The following CHERP variants were observed in gnomAD, a reference collection of about 807,000 sequenced individuals.
CHERP encodes ERPROT 213-21.
CHERP carries 8 observed loss-of-function variants against 113.8 expected under a neutral mutation model. That is an observed-to-expected ratio of 0.07 (90% CI 0.04 to 0.13). CHERP has a LOEUF of 0.13. CHERP is among the 10% of genes least tolerant of loss of function. CHERP has a pLI of 1.00. For synonymous variants in CHERP, 559 were observed against 524.5 expected, an observed-to-expected ratio of 1.07 and a Z score of -0.90; for missense variants, 884 against 1,298.2, an observed-to-expected ratio of 0.68 and a Z score of 4.90.
intron 12 of CHERP, chr19:16,521,171 T>A (rs1271365733): frequency 3.4e-6 from 2 of 584,674 alleles, no homozygotes. Flanking sequence ...TCTGTGGAAC[T>A]GGGAAACAGG....
Position 16,523,079 on chromosome 19 carries a change from AG to A in CHERP, c.1952del (p.Pro651LeufsTer4). On this transcript the variant is annotated frameshift_variant, in exon 11 of 17. Coordinates refer to ENST00000546361, the MANE Select transcript of CHERP (RefSeq NM_006387.6). LOFTEE classifies it high-confidence loss of function. The surrounding 1 kb of genome is among the most constrained non-coding windows in gnomAD (Gnocchi z 4.0). ...LVPNVPYFDL[P>X]AGLMAPLVKL... Reference sequence around the variant, plus strand: ...TCACGAGGGGGGCCATCAGCCCAGCAGGGAGATCGAAGTAGGGCACATTGGG... The same window carrying A: ...TCACGAGGGGGGCCATCAGCCCAGCAGGAGATCGAAGTAGGGCACATTGGG... 6.5e-7 allele frequency: 1 copy of A among 1,527,250 alleles called. No homozygotes were observed. Among genetic ancestry groups the A allele is most frequent in the Non-Finnish European group, 8.8e-7 (1 of 1,140,820 alleles). The allele number at this position is 1,527,250 out of a possible 1,614,324, so 94.6% of individuals were successfully genotyped here.
At position 16,520,305 on chromosome 19, in the gene CHERP, G is replaced by A. The variant is rs796284844; in HGVS notation, c.2346-40C>T. ...GCCCAAGGGTCAGCAGCAGCCAGGCGTCGTGGGGAGGCCACAGGAAGAGGC... is the reference window on the plus strand; with the variant it reads ...GCCCAAGGGTCAGCAGCAGCCAGGCATCGTGGGGAGGCCACAGGAAGAGGC... On this transcript the variant is annotated intron_variant, in intron 14 of 16. Coordinates refer to ENST00000546361, the MANE Select transcript of CHERP (RefSeq NM_006387.6). This position sits in a 1 kb window ranked among gnomAD's most constrained non-coding sequence, Gnocchi z 4.0. 22 of 1,611,326 alleles carry A rather than the reference G, an allele frequency of 1.4e-5. No individual in the cohort carries two copies. The highest frequency in any genetic ancestry group is 3.3e-4 in the Middle Eastern group (2 of 6,052).
At position 16,518,629 on chromosome 19, in the gene CHERP, T is replaced by C. The variant is rs2085571912; in HGVS notation, c.*530A>G. On this transcript the variant is annotated 3_prime_UTR_variant, in exon 17 of 17. Coordinates refer to ENST00000546361, the MANE Select transcript of CHERP (RefSeq NM_006387.6). ...TCACTTCGCAAGTCAAGTCAAAGTT[T>C]TGTGTTTCTGTTTTTCAATCCGCGG... The C allele has an allele frequency of 6.5e-6, 1 of 153,758 alleles. No homozygotes were observed. The highest frequency in any genetic ancestry group is 6.5e-5 in the Admixed American group (1 of 15,304). 9.5% of individuals were successfully genotyped at this position (153,758 alleles called of 1,614,324 possible). A position where few individuals can be genotyped will look rare whatever the true frequency, so the allele number is the denominator to read the frequency against.
chr19:16,536,577 C>T (rs1422449805), intron 2 of CHERP, among the ~76,000 whole-genome samples: 1 of 152,174 alleles, frequency 6.6e-6, no homozygotes, highest in African/African-American at 2.4e-5. Context: ...CCAGTTTGTG[C>T]ACCCAAAGCC....
At chr19:16,539,001 A>T (rs772023734) in intron 2 of CHERP, among the ~76,000 whole-genome samples, 1 of 151,418 alleles carries the variant, frequency 6.6e-6, no homozygotes, top group African/African-American at 2.4e-5. Context: ...TCTCTCACCT[A>T]AACAACTGCC....
intron 11 of CHERP, among the ~76,000 whole-genome samples, chr19:16,522,837 T>C (rs891868268): frequency 1.3e-5 from 2 of 151,832 alleles, no homozygotes; most frequent in South Asian, 4.2e-4. Flanking sequence ...GTGGGAGGGA[T>C]AGGAGGGGCA....
chr19:16,520,839 C>T lies in CHERP; in HGVS notation c.2188G>A (p.Glu730Lys). 6.2e-7 allele frequency: 1 copy of T among 1,613,874 alleles called. No homozygotes were observed. The highest frequency in any genetic ancestry group is 8.5e-7 in the Non-Finnish European group (1 of 1,180,026). Residue 730 changes from glutamate to lysine, a missense_variant, in exon 13 of 17, where the codon GAG (glutamate) becomes AAG (lysine). Glu to Lys is a moderately conservative substitution (Grantham distance 56). Around this residue, in one of 8 missense-constraint regions of CHERP, gnomAD observed 159 missense variants for 185.8 expected, o/e 0.86. Transcript: ENST00000546361. The surrounding 1 kb of genome is among the most constrained non-coding windows in gnomAD (Gnocchi z 4.0). ...KMRARRRKGQ[E>K]KRNSGPSRSR... Reference sequence around the variant, plus strand: ...CTGCGCTTTTACCTGTTCCTCTTCTCCTGGCCTTTCCTCCGCCGGGCCCGC... The same window carrying T: ...CTGCGCTTTTACCTGTTCCTCTTCTTCTGGCCTTTCCTCCGCCGGGCCCGC...
In CHERP at chr19:16,532,940, T is replaced by G; in HGVS notation, c.522+71A>C. On this transcript the variant is annotated intron_variant, in intron 4 of 16. Coordinates refer to ENST00000546361, the MANE Select transcript of CHERP (RefSeq NM_006387.6). This position sits in a 1 kb window ranked among gnomAD's most constrained non-coding sequence, Gnocchi z 4.4. Reference sequence around the variant, plus strand: ...CATTGTAACAGCCCTTAGCCCAGATTGGCTACGACAGGCCCTGCCTCAGGG... The same window carrying G: ...CATTGTAACAGCCCTTAGCCCAGATGGGCTACGACAGGCCCTGCCTCAGGG... 1 of 1,540,100 alleles carries G rather than the reference T, an allele frequency of 6.5e-7. No homozygotes were observed. The highest frequency in any genetic ancestry group is 2.0e-5 in the Admixed American group (1 of 50,366).
chr19:16,526,504 G>A (rs2085658577), intron 9 of CHERP, among the ~76,000 whole-genome samples: 1 of 152,228 alleles, frequency 6.6e-6, no homozygotes, highest in Admixed American at 6.5e-5. Context: ...GTCTCGCTCT[G>A]TTGCCCAGGC....
intron 2 of CHERP, 62 bp downstream of exon 2, chr19:16,541,808 C>T: frequency 1.3e-6 from 2 of 1,536,294 alleles, no homozygotes; most frequent in Non-Finnish European, 1.8e-6. Flanking sequence ...TGGCAGAGCC[C>T]GGACTGGAAT....
intron 11 of CHERP, among the ~76,000 whole-genome samples, chr19:16,522,266 CCT>C (rs1599746661): frequency 1.3e-5 from 2 of 152,130 alleles, no homozygotes; most frequent in East Asian, 1.9e-4. Flanking sequence ...CCCAACCCCC[CCT>C]TTTTTTTTTT....
chr19:16,521,749 G>A (rs1379681340), intron 11 of CHERP, 95 bp from the exon 12 acceptor site: 5 of 1,246,786 alleles, frequency 4.0e-6, no homozygotes, highest in Non-Finnish European at 4.3e-6. Flanking sequence ...CAGGGCCCAG[G>A]TTCAGTGTCA....
At chr19:16,521,137 C>A (rs1036077811) in intron 12 of CHERP, 11 of 599,272 alleles carry the variant, frequency 1.8e-5, no homozygotes, top group Non-Finnish European at 3.0e-5. Flanking sequence ...CCTGCTGTTC[C>A]GCTGAGGTGG....
At chr19:16,527,943 C>G (rs2085667592) in intron 9 of CHERP, 137 bp downstream of exon 9, 1 of 880,610 alleles carries the variant, frequency 1.1e-6, no homozygotes, top group Non-Finnish European at 1.7e-6. Flanking sequence ...TGTCACTAAC[C>G]CAGCATAAGC....
rs1174878635 is a variant in CHERP at position 16,525,243 on chromosome 19, G to A, written c.1740C>T (p.Ala580=). 15 of 1,427,510 alleles carry A rather than the reference G, an allele frequency of 1.1e-5. No homozygotes were observed. The highest frequency in any genetic ancestry group is 3.0e-5 in the Admixed American group (1 of 32,808). 88.4% of individuals were successfully genotyped at this position (1,427,510 alleles called of 1,614,324 possible). Residue 580 remains alanine (A), a splice_region_variant and synonymous_variant, in exon 10 of 17, where the codon GCC becomes GCT. Transcript: ENST00000546361. This position sits in a 1 kb window ranked among gnomAD's most constrained non-coding sequence, Gnocchi z 6.5. ...RFDYPQGDFP[A]EMGPPHHHPG... ...CTACCCAGGCGCCCGTACACTCACC[G>A]GCAGGGAAGTCCCCCTGGGGGTAGT...
chr19:16,528,946 C>G (rs147681498), intron 8 of CHERP, among the ~76,000 whole-genome samples: 2,676 of 152,282 alleles, frequency 0.018, 34 homozygotes, highest in Middle Eastern at 0.065. Flanking sequence ...GAGCAAGACT[C>G]CATCTCAAAA....
intron 3 of CHERP, 126 bp from the exon 4 acceptor site, chr19:16,533,274 G>A: frequency 1.2e-6 from 1 of 865,948 alleles, no homozygotes; most frequent in Admixed American, 2.5e-5. Context: ...GGCTGCTCTG[G>A]CCATCAGCTC....
At position 16,525,744 on chromosome 19, in the gene CHERP, G is replaced by T; in HGVS notation, c.1306-67C>A. The T allele has an allele frequency of 1.5e-6, 2 of 1,366,800 alleles. No homozygotes were observed. Among genetic ancestry groups the T allele is most frequent in the Non-Finnish European group, 1.9e-6 (2 of 1,040,488 alleles). 84.7% of individuals were successfully genotyped at this position (1,366,800 alleles called of 1,614,324 possible). On this transcript the variant is annotated intron_variant, in intron 9 of 16. Transcript: ENST00000546361. The surrounding 1 kb of genome is among the most constrained non-coding windows in gnomAD (Gnocchi z 6.5). ...CCCTAGTGCTCGGCAGCATCACAGC[G>T]CTCGGCAGCATCACAGCGCTGGCTC...
At chr19:16,528,520 A>G (rs1353343605) in intron 8 of CHERP, among the ~76,000 whole-genome samples, 2 of 152,188 alleles carry the variant, frequency 1.3e-5, no homozygotes, top group African/African-American at 2.4e-5. Context: ...TTTGCTGAAG[A>G]ATTTCTATCC....
Sources: gnomAD v4.1 joint callset for allele counts (sites outside exome capture counted in the v4.1 genomes callset) on GRCh38, gnomAD v4.1.1 for gene constraint, gnomAD v4.1.1 regional missense constraint, Gnocchi (gnomAD v3.1) non-coding constraint, MANE v1.5 for transcripts, NCBI Gene and HGNC (gene_info 2026-07-23, HGNC 2026-07-21) for gene names.